The following EPPK1 variants were observed in gnomAD, a reference collection of about 807,000 sequenced individuals.
The protein encoded by EPPK1 is epiplakin.
For missense variants in EPPK1, 3,823 were observed against 3,673.3 expected (o/e 1.04, Z -1.05); for synonymous variants, 1,862 against 1,721.2 (o/e 1.08, Z -2.03).
In EPPK1 at chr8:143,857,632, A is replaced by C; in HGVS notation, c.*355T>G. The C allele has an allele frequency of 3.7e-6, 1 of 267,924 alleles. No individual in the cohort carries two copies. The highest frequency in any genetic ancestry group is 6.8e-5 in the East Asian group (1 of 14,614). The allele number at this position is 267,924 out of a possible 1,614,324, so 16.6% of individuals were successfully genotyped here. A position where few individuals can be genotyped will look rare whatever the true frequency, so the allele number is the denominator to read the frequency against. Reference sequence around the variant, plus strand: ...ATGTAATAAAAATTACACTGCAACAAGAGTACCCGATGGCATGATGGACTG... The same window carrying C: ...ATGTAATAAAAATTACACTGCAACACGAGTACCCGATGGCATGATGGACTG... On this transcript the variant is annotated 3_prime_UTR_variant, in exon 2 of 2. Transcript: ENST00000615648.
chr8:143,868,382 G>C lies in EPPK1; in HGVS notation c.4872C>G (p.Thr1624=), dbSNP rs561580729. 1.9e-6 allele frequency: 3 copies of C among 1,612,638 alleles called. No individual in the cohort carries two copies. Among genetic ancestry groups the C allele is most frequent in the Non-Finnish European group, 2.5e-6 (3 of 1,179,892 alleles). ...TTCCTGCTTTGAACGCCTCCTCCAC[G>C]GTCAGCTTCCGGTTCTCCACGGGGT... ...IIDPVENRKL[T]VEEAFKAGMF... The change falls in exon 2 of 2, where the codon ACC becomes ACG. Residue 1624 remains threonine, a synonymous_variant. Transcript: ENST00000615648.
chr8:143,870,419 G>T lies in EPPK1; in HGVS notation c.2835C>A (p.Ser945Arg). ...GCTTCTGCCTCATGGCCTGGTAGAG[G>T]CTGAGCCGCTGGCCAGAGGGCAGCA... ...VRLLPSGQRL[S>R]LYQAMRQKLL... The change falls in exon 2 of 2, where the codon AGC (serine) becomes AGA (arginine). Residue 945 changes from serine to arginine, a missense_variant. Coordinates refer to ENST00000615648, the MANE Select transcript of EPPK1 (RefSeq NM_031308.4). This position sits in a 1 kb window ranked among gnomAD's most constrained non-coding sequence, Gnocchi z 5.2. 1 of 1,592,692 alleles carries T rather than the reference G, an allele frequency of 6.3e-7. No homozygotes were observed. Among genetic ancestry groups the T allele is most frequent in the Non-Finnish European group, 8.5e-7 (1 of 1,174,930 alleles).
rs782563791 is a variant in EPPK1 at position 143,858,136 on chromosome 8, T to A, written c.15118A>T (p.Met5040Leu). The A allele has an allele frequency of 1.2e-6, 2 of 1,613,246 alleles. No homozygotes were observed. The highest frequency in any genetic ancestry group is 1.7e-6 in the Non-Finnish European group (2 of 1,180,022). Residue 5040 changes from methionine to leucine, a missense_variant, in exon 2 of 2, where the codon ATG (methionine) becomes TTG (leucine). By Grantham distance (15) the Met-to-Leu change is conservative. Coordinates refer to ENST00000615648, the MANE Select transcript of EPPK1 (RefSeq NM_031308.4). ...AYRRGYFDEEMNRVLADPSDD... is the reference protein window; with the variant it reads ...AYRRGYFDEELNRVLADPSDD... Reference sequence around the variant, plus strand: ...CTGGGGTCGGCCAGGACGCGGTTCATCTCCTCGTCGAAGTAGCCGCGCCGG... The same window carrying A: ...CTGGGGTCGGCCAGGACGCGGTTCAACTCCTCGTCGAAGTAGCCGCGCCGG...
chr8:143,872,741 AG>A lies in EPPK1; in HGVS notation c.512del (p.Pro171LeufsTer39). 1 of 1,593,226 alleles carries A rather than the reference AG, an allele frequency of 6.3e-7. No homozygotes were observed. Among genetic ancestry groups the A allele is most frequent in the South Asian group, 1.1e-5 (1 of 88,876 alleles). ...VDPAQGVLVA[P>X]EPACHQGLLD... ...GGAGGCCCTGGTGGCAGGCTGGCTC[AG>A]GGGCCACGAGCACTCCCTGGGCGGG... On this transcript the variant is annotated frameshift_variant, in exon 2 of 2. Transcript: ENST00000615648. LOFTEE classifies it low-confidence loss of function (END_TRUNC).
At position 143,871,254 on chromosome 8, in the gene EPPK1, G is replaced by C. The variant is rs1563886405; in HGVS notation, c.2000C>G (p.Ala667Gly). The part of the protein sequence containing the change: ...KANKGHSVEE[A>G]LRAAVIGPDV... ...AGGCCCAATGACAGCAGCCCTCAGT[G>C]CCTCCTCAACGGAGTGCCCCTTGTT... is the stretch of plus-strand genomic sequence containing the variant. Residue 667 changes from alanine to glycine, a missense_variant, in exon 2 of 2, where the codon GCA becomes GGA. Coordinates refer to ENST00000615648, the MANE Select transcript of EPPK1 (RefSeq NM_031308.4). The C allele has an allele frequency of 6.2e-7, 1 of 1,613,078 alleles. No individual in the cohort carries two copies.
rs2130634884 is a variant in EPPK1 at position 143,869,300 on chromosome 8, C to T, written c.3954G>A (p.Gly1318=). 1.2e-6 allele frequency: 2 copies of T among 1,604,766 alleles called. No individual in the cohort carries two copies. The highest frequency in any genetic ancestry group is 1.7e-6 in the Non-Finnish European group (2 of 1,175,418). The change falls in exon 2 of 2, where the codon GGG becomes GGA. Residue 1318 remains glycine (G), a synonymous_variant. Coordinates refer to ENST00000615648, the MANE Select transcript of EPPK1 (RefSeq NM_031308.4). ...ACCCGGCCGCCGCCCTCTCGGCCTG[C>T]CCGAGCTGCTCACTCAGCTCCCTGC... The part of the protein sequence containing the change: ...LVGRELSEQL[G]QAERAAAGYP...
Position 143,866,201 on chromosome 8 carries a change from G to C in EPPK1, c.7053C>G (p.Pro2351=). The C allele has an allele frequency of 2.3e-6, 1 of 439,388 alleles. No homozygotes were observed. The highest frequency in any genetic ancestry group is 3.8e-6 in the Non-Finnish European group (1 of 262,560). 27.2% of individuals were successfully genotyped at this position (439,388 alleles called of 1,614,324 possible). A position where few individuals can be genotyped will look rare whatever the true frequency, so the allele number is the denominator to read the frequency against. The part of the protein sequence containing the change: ...AQIATGGVID[P]VHSHRVPVDV... The stretch of plus-strand genomic sequence containing the variant: ...CCACGGGCACGCGGTGGCTGTGCAC[G>C]GGGTCGATGACGCCGCCCGTGGCGA... The change falls in exon 2 of 2, where the codon CCC becomes CCG. Residue 2351 remains proline (P), a synonymous_variant. Coordinates refer to ENST00000615648, the MANE Select transcript of EPPK1 (RefSeq NM_031308.4).
At position 143,866,388 on chromosome 8, in the gene EPPK1, G is replaced by C; in HGVS notation, c.6866C>G (p.Ala2289Gly). The C allele has an allele frequency of 5.0e-6, 5 of 998,440 alleles. No homozygotes were observed. In the African/African-American group the frequency reaches 5.7e-5, roughly 11 times the overall value. 61.8% of individuals were successfully genotyped at this position (998,440 alleles called of 1,614,324 possible). A position where few individuals can be genotyped will look rare whatever the true frequency, so the allele number is the denominator to read the frequency against. The part of the protein sequence containing the change: ...LRLSVEEAVA[A>G]GVVGGEIQEK... The stretch of plus-strand genomic sequence containing the variant: ...CTGGATCTCGCCGCCCACCACGCCC[G>C]CGGCCACGGCCTCCTCCACCGACAG... The change falls in exon 2 of 2, where the codon GCG becomes GGG. Residue 2289 changes from alanine to glycine, a missense_variant. Physicochemically the swap from Ala to Gly is moderately conservative, Grantham distance 60. Transcript: ENST00000615648.
At position 143,870,568 on chromosome 8, in the gene EPPK1, C is replaced by T. The variant is rs373835301; in HGVS notation, c.2686G>A (p.Gly896Ser). The T allele has an allele frequency of 1.5e-4, 236 of 1,611,140 alleles. 5 individuals are homozygous for T. Among genetic ancestry groups the T allele is most frequent in the African/African-American group, 5.1e-4 (38 of 74,874 alleles). The change falls in exon 2 of 2, where the codon GGT (glycine) becomes AGT (serine). Residue 896 changes from glycine to serine, a missense_variant. Transcript: ENST00000615648. This position sits in a 1 kb window ranked among gnomAD's most constrained non-coding sequence, Gnocchi z 5.2. ...RVTVHQLLEA[G>S]IIDQQLLDQV... Reference sequence around the variant, plus strand: ...TCCAACAGCTGCTGGTCAATGATACCGGCCTCCAGGAGCTGGTGGACGGTG... The same window carrying T: ...TCCAACAGCTGCTGGTCAATGATACTGGCCTCCAGGAGCTGGTGGACGGTG...
chr8:143,867,893 C>T lies in EPPK1; in HGVS notation c.5361G>A (p.Gly1787=), dbSNP rs1563881167. Residue 1787 remains glycine (G), a synonymous_variant, in exon 2 of 2, where the codon GGG becomes GGA. Coordinates refer to ENST00000615648, the MANE Select transcript of EPPK1 (RefSeq NM_031308.4). ...LQSRTAKMRV[G]RFADQVVSFW... Reference sequence around the variant, plus strand: ...AAGAGACCACCTGGTCAGCAAACCTCCCCACGCGCATTTTTGCAGTTCTGG... The same window carrying T: ...AAGAGACCACCTGGTCAGCAAACCTTCCCACGCGCATTTTTGCAGTTCTGG... The T allele has an allele frequency of 1.9e-6, 3 of 1,613,290 alleles. No individual in the cohort carries two copies. The highest frequency in any genetic ancestry group is 2.7e-5 in the African/African-American group (2 of 74,902).
In EPPK1 at chr8:143,866,955, C is replaced by G. The variant is rs1819140225; in HGVS notation, c.6299G>C (p.Arg2100Thr). ...CACTTGCTCTGCCTCCAGGGCCCTT[C>G]TCGTCTCGTCATCGATGTGCTCGGA... ...RDSEHIDDETRRALEAEQVEI... is the reference protein window; with the variant it reads ...RDSEHIDDETTRALEAEQVEI... Residue 2100 changes from arginine (R) to threonine (T), a missense_variant, in exon 2 of 2, where the codon AGA (arginine) becomes ACA (threonine). Physicochemically the swap from Arg to Thr is moderately conservative, Grantham distance 71. Coordinates refer to ENST00000615648, the MANE Select transcript of EPPK1 (RefSeq NM_031308.4). The G allele has an allele frequency of 1.9e-6, 3 of 1,612,878 alleles. No homozygotes were observed. Among genetic ancestry groups the G allele is most frequent in the Non-Finnish European group, 2.5e-6 (3 of 1,179,860 alleles).
chr8:143,874,224 T>A (rs1586703136), intron 1 of EPPK1, among the ~76,000 whole-genome samples: 1 of 152,168 alleles, frequency 6.6e-6, no homozygotes, highest in African/African-American at 2.4e-5. Flanking sequence ...GAGCAGCAGG[T>A]GCCTCACCTC....
At position 143,872,526 on chromosome 8, in the gene EPPK1, C is replaced by A; in HGVS notation, c.728G>T (p.Ser243Ile). ...ITFRSMGGAV[S>I]AAELLEVGIL... ...GCCCACCTCCAGCAGCTCAGCTGCA[C>A]TCACCGCCCCGCCCATGGAGCGGAA... The change falls in exon 2 of 2, where the codon AGT becomes ATT. Residue 243 changes from serine to isoleucine, a missense_variant. Transcript: ENST00000615648. The A allele has an allele frequency of 1.2e-6, 2 of 1,600,920 alleles. No homozygotes were observed. The highest frequency in any genetic ancestry group is 1.7e-6 in the Non-Finnish European group (2 of 1,177,186).
In EPPK1 at chr8:143,857,995, G is replaced by C. The variant is rs1484331536; in HGVS notation, c.15259C>G (p.Leu5087Val). 5 of 1,596,242 alleles carry C rather than the reference G, an allele frequency of 3.1e-6. No individual in the cohort carries two copies. Among genetic ancestry groups the C allele is most frequent in the South Asian group, 1.1e-5 (1 of 89,842 alleles). Residue 5087 changes from leucine (L) to valine (V), a missense_variant, in exon 2 of 2, where the codon CTA becomes GTA. Physicochemically the swap from Leu to Val is conservative, Grantham distance 32. Coordinates refer to ENST00000615648, the MANE Select transcript of EPPK1 (RefSeq NM_031308.4). The stretch of plus-strand genomic sequence containing the variant: ...GCACGGAGGAAGCCCAGTCACTGTA[G>C]AGAGAGAGAAAGAAATAGGAGCCCC... Reference protein sequence around the residue: ...ETGLLFLSLSLQ With the variant: ...ETGLLFLSLSVQ
At position 143,867,245 on chromosome 8, in the gene EPPK1, T is replaced by G; in HGVS notation, c.6009A>C (p.Ala2003=). ...MQKQLIEKAE[A]LRLLEVQVAT... ...CCACCTGCACCTCCAGCAGCCTCAG[T>G]GCCTCCGCCTTCTCGATGAGCTGCT... is the stretch of plus-strand genomic sequence containing the variant. The change falls in exon 2 of 2, where the codon GCA becomes GCC. Residue 2003 remains alanine (A), a synonymous_variant. Transcript: ENST00000615648. 6.2e-7 allele frequency: 1 copy of G among 1,612,628 alleles called. No homozygotes were observed.
rs782694610 is a variant in EPPK1, at chr8:143,867,322, A to T, written c.5932T>A (p.Tyr1978Asn). ...LLKAERAATG[Y>N]RDPATGDTIP... ...GTGTCTCCTGTGGCCGGATCCCTGT[A>T]GCCCGTGGCAGCTCTTTCAGCCTTC... Residue 1978 changes from tyrosine (Y) to asparagine (N), a missense_variant, in exon 2 of 2, where the codon TAC (tyrosine) becomes AAC (asparagine). Physicochemically the swap from Tyr to Asn is moderately radical, Grantham distance 143. Transcript: ENST00000615648. 7 of 1,612,606 alleles carry T rather than the reference A, an allele frequency of 4.3e-6. No homozygotes were observed. In the South Asian group the frequency reaches 7.7e-5, roughly 18 times the overall value.
At position 143,873,067 on chromosome 8, in the gene EPPK1, G is replaced by A. The variant is rs201041885; in HGVS notation, c.187C>T (p.Gln63Ter). 2.1e-4 allele frequency: 332 copies of A among 1,557,904 alleles called. No homozygotes were observed. Among genetic ancestry groups the A allele is most frequent in the Middle Eastern group, 1.4e-3 (8 of 5,844 alleles). The change falls in exon 2 of 2, where the codon CAG (glutamine) becomes TAG (stop). Residue 63 changes from glutamine to a stop codon, truncating the protein, a stop_gained. Transcript: ENST00000615648. LOFTEE classifies it low-confidence loss of function (END_TRUNC). ...QAQSVYAAME[Q>*]GLLPAGLGQA... ...CCGAGCCCAGCAGGCAGGAGGCCCT[G>A]CTCCATGGCGGCGTAGACACTCTGG...
In EPPK1 at chr8:143,870,976, G is replaced by T. The variant is rs375680720; in HGVS notation, c.2278C>A (p.Pro760Thr). ...DQMLNLILLD[P>T]SDDTKGFFDP... ...AAGAAGCCCTTGGTGTCGTCAGAAG[G>T]GTCCAACAGGATCAAGTTCAGCATC... The change falls in exon 2 of 2, where the codon CCT (proline) becomes ACT (threonine). Residue 760 changes from proline (P) to threonine (T), a missense_variant. Pro to Thr is a conservative substitution (Grantham distance 38). Transcript: ENST00000615648. The surrounding 1 kb of genome is among the most constrained non-coding windows in gnomAD (Gnocchi z 5.2). The T allele has an allele frequency of 6.2e-7, 1 of 1,613,476 alleles. No homozygotes were observed. Among genetic ancestry groups the T allele is most frequent in the Non-Finnish European group, 8.5e-7 (1 of 1,180,022 alleles).
In EPPK1 at chr8:143,865,369, C is replaced by CGGT; in HGVS notation, c.7884_7885insACC (p.Ala2628_Ala2629insThr). Reference sequence around the variant, plus strand: ...TCCTGGCGGCGGGCGGCGGCGGCGGCGGCGGCGGCGGCGGCCTCCTGGGTC... The same window carrying CGGT: ...TCCTGGCGGCGGGCGGCGGCGGCGGCGGTGGCGGCGGCGGCGGCCTCCTGGGTC... On this transcript the variant is annotated inframe_insertion, in exon 2 of 2. Transcript: ENST00000615648. The CGGT allele has an allele frequency of 2.8e-6, 1 of 353,638 alleles. No individual in the cohort carries two copies. Among genetic ancestry groups the CGGT allele is most frequent in the Non-Finnish European group, 4.5e-6 (1 of 222,858 alleles). 21.9% of individuals were successfully genotyped at this position (353,638 alleles called of 1,614,324 possible).
Sources: gnomAD v4.1 joint callset for allele counts (sites outside exome capture counted in the v4.1 genomes callset) on GRCh38, gnomAD v4.1.1 for gene constraint, Gnocchi (gnomAD v3.1) non-coding constraint, MANE v1.5 for transcripts, NCBI Gene and HGNC (gene_info 2026-07-23, HGNC 2026-07-21) for gene names.